The following PLXNA4 variants were observed in gnomAD, a reference collection of about 807,000 sequenced individuals.
PLXNA4 encodes the protein plexin-A4.
In PLXNA4, 44 loss-of-function variants were observed where a neutral mutation model predicts 191.8. The observed-to-expected ratio is 0.23, with a 90% CI of 0.18 to 0.29. PLXNA4 has a LOEUF of 0.29. Ranked by LOEUF, PLXNA4 falls within the 10% of genes least tolerant of loss-of-function variation. The probability of loss-of-function intolerance (pLI) is 1.00; values close to 1 mark genes in which losing one functional copy is unlikely to be tolerated. For missense variants in PLXNA4, 1,800 were observed against 2,488.8 expected (o/e 0.72, Z 5.89); for synonymous variants, 1,082 against 1,009.5 (o/e 1.07, Z -1.36).
At position 132,165,009 on chromosome 7, in the gene PLXNA4, C is replaced by T. The variant is rs544434582; in HGVS notation, c.4353+125G>A. On this transcript the variant is annotated intron_variant, in intron 23 of 31. Transcript: ENST00000321063. Reference sequence around the variant, plus strand: ...GACAGTCCATGATAAGGATGAATTCCATTTCTTGTGGGGTTATAAGAGCCA... The same window carrying T: ...GACAGTCCATGATAAGGATGAATTCTATTTCTTGTGGGGTTATAAGAGCCA... 1.2e-3 allele frequency: 1,716 copies of T among 1,386,742 alleles called. 36 individuals carry two copies. In the South Asian group the frequency reaches 0.025, roughly 20 times the overall value. The allele number at this position is 1,386,742 out of a possible 1,614,324, so 85.9% of individuals were successfully genotyped here. A position where few individuals can be genotyped will look rare whatever the true frequency, so the allele number is the denominator to read the frequency against.
chr7:132,620,302 T>C (rs995227450), intron 2 of PLXNA4, among the ~76,000 whole-genome samples: 13 of 152,228 alleles, frequency 8.5e-5, no homozygotes, highest in African/African-American at 3.1e-4. Context: ...CTTGTTGTTC[T>C]GTTTAGTTTT....
At chr7:132,468,369 G>A (rs1026477044) in intron 3 of PLXNA4, among the ~76,000 whole-genome samples, 1 of 152,058 alleles carries the variant, frequency 6.6e-6, no homozygotes, top group Non-Finnish European at 1.5e-5. Context: ...TTATACATAT[G>A]CCGTATGTAT....
chr7:132,449,526 C>G (rs1481422044), intron 3 of PLXNA4, among the ~76,000 whole-genome samples: 1 of 152,194 alleles, frequency 6.6e-6, no homozygotes, highest in Non-Finnish European at 1.5e-5. Flanking sequence ...GATGAACGGA[C>G]AGATCCTGGT....
intron 4 of PLXNA4, among the ~76,000 whole-genome samples, chr7:132,275,008 C>A (rs990756146): frequency 6.6e-6 from 1 of 152,066 alleles, no homozygotes; most frequent in Non-Finnish European, 1.5e-5. Context: ...GGTTTCTACA[C>A]TATAAAGTTA....
At position 132,180,724 on chromosome 7, in the gene PLXNA4, GTTCTT is replaced by G; in HGVS notation, c.3496_3500del (p.Lys1166ProfsTer94). On this transcript the variant is annotated frameshift_variant, in exon 19 of 32. Coordinates refer to ENST00000321063, the MANE Select transcript of PLXNA4 (RefSeq NM_020911.2). LOFTEE classifies it high-confidence loss of function. The stretch of plus-strand genomic sequence containing the variant: ...TGCCCCCAGCCACAGGCGGGATCAG[GTTCTT>G]GCCCTGTACAAATGGGAAAGCACCA... 6.2e-7 allele frequency: 1 copy of G among 1,614,058 alleles called. No homozygotes were observed. The highest frequency in any genetic ancestry group is 8.5e-7 in the Non-Finnish European group (1 of 1,179,924).
intron 1 of PLXNA4, among the ~76,000 whole-genome samples, chr7:132,538,370 T>A (rs944755128): frequency 1.3e-5 from 2 of 152,158 alleles, no homozygotes; most frequent in Non-Finnish European, 2.9e-5. Flanking sequence ...ATCACCAGCT[T>A]CACAGGAAGG....
intron 21 of PLXNA4, among the ~76,000 whole-genome samples, chr7:132,168,853 C>G (rs969458727): frequency 1.3e-5 from 2 of 152,198 alleles, no homozygotes; most frequent in Admixed American, 6.5e-5. Context: ...GACTCCAGAG[C>G]TCTTCCCTGA....
chr7:132,276,058 C>T (rs1800266708), intron 4 of PLXNA4, among the ~76,000 whole-genome samples: 1 of 152,156 alleles, frequency 6.6e-6, no homozygotes, highest in Admixed American at 6.5e-5. Context: ...TATCATGTGA[C>T]TGTGTTATTC....
At chr7:132,205,329 C>T (rs1030752660) in intron 10 of PLXNA4, among the ~76,000 whole-genome samples, 1 of 152,238 alleles carries the variant, frequency 6.6e-6, no homozygotes, top group African/African-American at 2.4e-5. Flanking sequence ...CCAGATCTGC[C>T]GGACTGGAAT....
At chr7:132,258,557 C>T (rs76679077) in intron 4 of PLXNA4, among the ~76,000 whole-genome samples, 1 of 152,178 alleles carries the variant, frequency 6.6e-6, no homozygotes, top group Non-Finnish European at 1.5e-5. Context: ...TAGCCCCTGC[C>T]TTTGGGGCTG....
chr7:132,156,108 ATCTCTC>A lies in PLXNA4; in HGVS notation c.4660+3359_4660+3364del, dbSNP rs36128538. On this transcript the variant is annotated intron_variant, in intron 25 of 31. Transcript: ENST00000321063. The stretch of plus-strand genomic sequence containing the variant: ...TCGTATGACCACTTCTTTAAAATGA[ATCTCTC>A]TCTCTCTCTGTTTCTGGACATACAC... Among the ~76,000 whole-genome samples the A allele has an allele frequency of 1.6e-3, 224 of 141,118 alleles. 3 individuals carry two copies. The highest frequency in any genetic ancestry group is 0.015 in the East Asian group (75 of 4,900). The allele number at this position is 141,118 out of a possible 152,430, so 92.6% of individuals were successfully genotyped here. A position where few individuals can be genotyped will look rare whatever the true frequency, so the allele number is the denominator to read the frequency against.
At chr7:132,527,468 C>T (rs757093665) in intron 1 of PLXNA4, among the ~76,000 whole-genome samples, 12 of 144,508 alleles carry the variant, frequency 8.3e-5, no homozygotes, top group East Asian at 4.1e-4. Flanking sequence ...CCTTTCTCCA[C>T]GTCGTAGAGA....
intron 3 of PLXNA4, among the ~76,000 whole-genome samples, chr7:132,448,622 A>G (rs904099993): frequency 1.3e-5 from 2 of 152,182 alleles, no homozygotes; most frequent in Non-Finnish European, 2.9e-5. Flanking sequence ...TTCCTTCCTA[A>G]CTAGGAAACA....
intron 1 of PLXNA4, among the ~76,000 whole-genome samples, chr7:132,552,846 G>A (rs73158896): frequency 6.6e-6 from 1 of 152,236 alleles, no homozygotes; most frequent in Non-Finnish European, 1.5e-5. Flanking sequence ...GCTCAGTGAT[G>A]CTAGTTGAAG....
chr7:132,296,943 G>T (rs1233087740), intron 4 of PLXNA4, among the ~76,000 whole-genome samples: 1 of 152,136 alleles, frequency 6.6e-6, no homozygotes, highest in Non-Finnish European at 1.5e-5. Flanking sequence ...GTGGGTCCCA[G>T]TATGGCTGAA....
rs951964391 is a variant in PLXNA4, at chr7:132,368,602, C to T, written c.1372-70380G>A. Among the ~76,000 whole-genome samples, 15 of 152,190 alleles carry T rather than the reference C, an allele frequency of 9.9e-5. No homozygotes were observed. In the South Asian group the frequency reaches 1.2e-3, roughly 13 times the overall value. On this transcript the variant is annotated intron_variant, in intron 3 of 31. Transcript: ENST00000321063. ...GTGGGGCCCTCAGCTGCCTGCGCTG[C>T]GGCTCACAGCACCTGATGGACACAC...
chr7:132,292,379 C>A (rs891775078), intron 4 of PLXNA4, among the ~76,000 whole-genome samples: 1 of 152,104 alleles, frequency 6.6e-6, no homozygotes, highest in African/African-American at 2.4e-5. Context: ...CCCTGCCCAC[C>A]AAATGGTAAA....
At chr7:132,168,132 G>A (rs1327591776) in intron 22 of PLXNA4, among the ~76,000 whole-genome samples, 172 bp downstream of exon 22, 1 of 152,212 alleles carries the variant, frequency 6.6e-6, no homozygotes, top group Non-Finnish European at 1.5e-5. Context: ...GAGGACAGTG[G>A]ACAGGTTCTT....
chr7:132,373,239 T>C (rs925535791), intron 3 of PLXNA4, among the ~76,000 whole-genome samples: 2 of 152,120 alleles, frequency 1.3e-5, no homozygotes, highest in African/African-American at 4.8e-5. Flanking sequence ...ACTTCATTGC[T>C]AAGTTCACCT....
Sources: gnomAD v4.1 joint callset for allele counts (sites outside exome capture counted in the v4.1 genomes callset) on GRCh38, gnomAD v4.1.1 for gene constraint, MANE v1.5 for transcripts, NCBI Gene and HGNC (gene_info 2026-07-23, HGNC 2026-07-21) for gene names.